HCN1: variants seen among roughly 807,000 people sequenced by gnomAD.
HCN1 encodes the protein potassium/sodium hyperpolarization-activated cyclic nucleotide-gated channel 1.
Under a neutral mutation model 78.9 loss-of-function variants are expected in HCN1, and 13 were observed. The ratio of observed to expected loss-of-function variants is 0.16; its 90% CI spans 0.11 to 0.26. The LOEUF (loss-of-function observed/expected upper bound fraction) is 0.26. Ranked by LOEUF, HCN1 falls within the 10% of genes least tolerant of loss-of-function variation. The pLI is 1.00. For synonymous variants in HCN1, 552 were observed against 455.5 expected (o/e 1.21, Z -2.70); for missense variants, 810 against 1,154.3 (o/e 0.70, Z 4.32).
At position 45,254,983 on chromosome 5, in the gene HCN1, G is replaced by C. The variant is rs967131487; in HGVS notation, c.*6938C>G. ...ATTCATTTATTTTTATAATGTCAAT[G>C]TATTATTGATAGCATTAAAAATGTT... is the stretch of plus-strand genomic sequence containing the variant. On this transcript the variant is annotated 3_prime_UTR_variant, in exon 8 of 8. Transcript: ENST00000303230. The C allele has an allele frequency of 6.6e-6, 1 of 152,206 alleles. No homozygotes were observed. The highest frequency in any genetic ancestry group is 1.5e-5 in the Non-Finnish European group (1 of 68,044). The allele number at this position is 152,206 out of a possible 1,614,324, so 9.4% of individuals were successfully genotyped here.
intron 5 of HCN1, among the ~76,000 whole-genome samples, chr5:45,311,081 A>AAAT (rs1745843229): frequency 6.6e-6 from 1 of 152,168 alleles, no homozygotes; most frequent in Non-Finnish European, 1.5e-5. Context: ...CTGAGTGATG[A>AAAT]AATAATCTGT....
chr5:45,626,480 C>T (rs564759772), intron 2 of HCN1, among the ~76,000 whole-genome samples: 15 of 152,012 alleles, frequency 9.9e-5, no homozygotes, highest in Non-Finnish European at 2.1e-4. Flanking sequence ...AGTAGCAAAG[C>T]AGTAAACATA....
rs569678268 is a variant in HCN1 at position 45,439,381 on chromosome 5, T to C, written c.1011+22465A>G. 1.3e-4 allele frequency among the ~76,000 whole-genome samples: 20 copies of C among 152,218 alleles called. No individual in the cohort carries two copies. In the South Asian group the frequency reaches 3.7e-3, roughly 28 times the overall value. ...TTTCACATTAAAAAAATAATATTAT[T>C]GGGGATATGTAATGGGCCAAATGAT... On this transcript the variant is annotated intron_variant, in intron 3 of 7. Coordinates refer to ENST00000303230, the MANE Select transcript of HCN1 (RefSeq NM_021072.4).
At chr5:45,582,088 T>C (rs988861012) in intron 2 of HCN1, among the ~76,000 whole-genome samples, 3 of 152,188 alleles carry the variant, frequency 2.0e-5, no homozygotes, top group East Asian at 1.9e-4. Flanking sequence ...GGGGATGGCA[T>C]TGAATCTATA....
chr5:45,612,906 T>G (rs191107604), intron 2 of HCN1, among the ~76,000 whole-genome samples: 1 of 152,176 alleles, frequency 6.6e-6, no homozygotes, highest in Non-Finnish European at 1.5e-5. Flanking sequence ...TATCGGAAGA[T>G]GCATATTTAT....
intron 2 of HCN1, among the ~76,000 whole-genome samples, chr5:45,523,649 A>G (rs1050438830): frequency 1.3e-5 from 2 of 151,978 alleles, no homozygotes; most frequent in Non-Finnish European, 2.9e-5. Flanking sequence ...TTGGCTGCAT[A>G]AATGTCTTCT....
At chr5:45,350,501 C>T (rs1230140280) in intron 5 of HCN1, among the ~76,000 whole-genome samples, 1 of 151,812 alleles carries the variant, frequency 6.6e-6, no homozygotes, top group East Asian at 1.9e-4. Context: ...TCCTATTCAA[C>T]ATAGTGTTGG....
At chr5:45,436,777 C>T (rs1740566586) in intron 3 of HCN1, among the ~76,000 whole-genome samples, 1 of 152,156 alleles carries the variant, frequency 6.6e-6, no homozygotes. Context: ...GGCTTCTATT[C>T]ACATAGTCAG....
At chr5:45,663,167 T>A (rs2112062025) in intron 1 of HCN1, among the ~76,000 whole-genome samples, 1 of 134,932 alleles carries the variant, frequency 7.4e-6, no homozygotes, top group South Asian at 2.6e-4. Flanking sequence ...TCTACAACTA[T>A]CTGATCTTTG....
chr5:45,568,122 T>C (rs1175749999), intron 2 of HCN1, among the ~76,000 whole-genome samples: 1 of 152,132 alleles, frequency 6.6e-6, no homozygotes, highest in Non-Finnish European at 1.5e-5. Flanking sequence ...TTCACTATTT[T>C]AGTCATCAGT....
At chr5:45,294,485 G>T (rs1237792470) in intron 6 of HCN1, among the ~76,000 whole-genome samples, 1 of 151,790 alleles carries the variant, frequency 6.6e-6, no homozygotes, top group Non-Finnish European at 1.5e-5. Context: ...TTGAAAGAAA[G>T]AAAGTTAAGA....
At chr5:45,611,645 A>G (rs929069149) in intron 2 of HCN1, among the ~76,000 whole-genome samples, 2 of 152,150 alleles carry the variant, frequency 1.3e-5, no homozygotes, top group Non-Finnish European at 2.9e-5. Context: ...AATAAGAGCC[A>G]TGAAGTCTTA....
chr5:45,606,885 T>A (rs888485731), intron 2 of HCN1, among the ~76,000 whole-genome samples: 1 of 151,986 alleles, frequency 6.6e-6, no homozygotes, highest in Admixed American at 6.6e-5. Context: ...TATATGAAAC[T>A]TCTATAATGT....
chr5:45,571,425 G>A (rs1054960191), intron 2 of HCN1, among the ~76,000 whole-genome samples: 3 of 152,086 alleles, frequency 2.0e-5, no homozygotes, highest in African/African-American at 7.2e-5. Flanking sequence ...ACGCAAACTG[G>A]AGTTGCTATA....
At chr5:45,510,747 A>G (rs1290065316) in intron 2 of HCN1, among the ~76,000 whole-genome samples, 1 of 152,088 alleles carries the variant, frequency 6.6e-6, no homozygotes, top group African/African-American at 2.4e-5. Context: ...CCAGGTGGGC[A>G]AAAGAAGAAA....
At chr5:45,307,022 C>A (rs995789957) in intron 5 of HCN1, among the ~76,000 whole-genome samples, 59 of 151,890 alleles carry the variant, frequency 3.9e-4, no homozygotes, top group African/African-American at 1.4e-3. Context: ...AACAGAAAGA[C>A]CAATCCCCAA....
chr5:45,349,743 C>T (rs185612203), intron 5 of HCN1, among the ~76,000 whole-genome samples: 87 of 152,256 alleles, frequency 5.7e-4, no homozygotes, highest in African/African-American at 2.1e-3. Context: ...ATACTACAAA[C>T]ACCTCTACGC....
chr5:45,664,072 T>G (rs1414987997), intron 1 of HCN1, among the ~76,000 whole-genome samples: 4 of 122,826 alleles, frequency 3.3e-5, no homozygotes, highest in Admixed American at 9.0e-5. Flanking sequence ...TGTCCAACAA[T>G]GATAGACTGG....
chr5:45,371,386 G>C (rs1435930642), intron 4 of HCN1, among the ~76,000 whole-genome samples: 1 of 151,700 alleles, frequency 6.6e-6, no homozygotes, highest in African/African-American at 2.4e-5. Context: ...CCACCAGCTA[G>C]ACTAATAAAG....
Sources: allele counts gnomAD v4.1 joint callset (sites outside exome capture counted in the v4.1 genomes callset), GRCh38; gene constraint gnomAD v4.1.1; transcripts MANE v1.5; gene names NCBI Gene and HGNC (gene_info 2026-07-23, HGNC 2026-07-21).